Variants in KCNH1 observed in about 807,000 individuals in gnomAD.
KCNH1 encodes potassium voltage-gated channel subfamily H member 1.
A neutral mutation model predicts 69.2 loss-of-function variants in KCNH1; 27 were observed. The observed-to-expected ratio is 0.39, with a 90% CI of 0.29 to 0.54. The LOEUF is 0.54. Among genes scored for constraint, KCNH1 ranks in the 20% least tolerant of loss-of-function variants. The probability of loss-of-function intolerance (pLI) is 0.68; values close to 1 mark genes in which losing one functional copy is unlikely to be tolerated. For missense variants in KCNH1, 798 were observed against 1,261.6 expected, an observed-to-expected ratio of 0.63 and a Z score of 5.57; for synonymous variants, 456 against 487.7, an observed-to-expected ratio of 0.93 and a Z score of 0.86.
At chr1:211,066,534 T>C (rs769872458) in intron 5 of KCNH1, among the ~76,000 whole-genome samples, 6 of 152,174 alleles carry the variant, frequency 3.9e-5, no homozygotes, top group African/African-American at 7.2e-5. Context: ...AAAGCAAAAG[T>C]GTCACTAACT....
In KCNH1 at chr1:210,722,070, G is replaced by A. The variant is rs1682482042; in HGVS notation, c.2113-37932C>T. ...AGTGGGTTCCAGCCCCATACTGAAAGCAGGCCAACGACTAGAGCTGGATCC... is the reference window on the plus strand; with the variant it reads ...AGTGGGTTCCAGCCCCATACTGAAAACAGGCCAACGACTAGAGCTGGATCC... On this transcript the variant is annotated intron_variant, in intron 10 of 10. Coordinates refer to ENST00000271751, the MANE Select transcript of KCNH1 (RefSeq NM_172362.3). Among the ~76,000 whole-genome samples the A allele has an allele frequency of 2.0e-5, 3 of 152,170 alleles. No individual in the cohort carries two copies. In the South Asian group the frequency reaches 6.2e-4, roughly 32 times the overall value.
chr1:211,048,480 C>CATAT (rs777371856), intron 5 of KCNH1, among the ~76,000 whole-genome samples: 1 of 151,852 alleles, frequency 6.6e-6, no homozygotes, highest in Admixed American at 6.6e-5. Context: ...GGTGTATATA[C>CATAT]ATATATACAT....
Position 210,683,817 on chromosome 1 carries a change from C to A in KCNH1, c.2434G>T (p.Ala812Ser). 1 of 1,613,848 alleles carries A rather than the reference C, an allele frequency of 6.2e-7. No homozygotes were observed. Among genetic ancestry groups the A allele is most frequent in the Non-Finnish European group, 8.5e-7 (1 of 1,180,038 alleles). The change falls in exon 11 of 11, where the codon GCA becomes TCA. Residue 812 changes from alanine to serine, a missense_variant. Physicochemically the swap from Ala to Ser is moderately conservative, Grantham distance 99. This residue lies in a region of KCNH1 where 331 missense variants were observed against 363.2 expected (regional missense o/e 0.91). Coordinates refer to ENST00000271751, the MANE Select transcript of KCNH1 (RefSeq NM_172362.3). This position sits in a 1 kb window ranked among gnomAD's most constrained non-coding sequence, Gnocchi z 5.7. ...TCGGACCCTGGCGCCTGTAGCTTTG[C>A]GTGGTCTGGCACCCCGGAGGTGGAG... ...AASTSGVPDH[A>S]KLQAPGSECL... is the part of the protein sequence containing the mutation.
At position 211,133,820 on chromosome 1, in the gene KCNH1, G is replaced by C; in HGVS notation, c.79+47C>G. On this transcript the variant is annotated intron_variant, in intron 1 of 10. Coordinates refer to ENST00000271751, the MANE Select transcript of KCNH1 (RefSeq NM_172362.3). The surrounding 1 kb of genome is among the most constrained non-coding windows in gnomAD (Gnocchi z 5.4). Reference sequence around the variant, plus strand: ...AGCGGCGAGAGGTTCTGCAATAAAGGCACGGATAAAACGCCCGGGTAATCG... The same window carrying C: ...AGCGGCGAGAGGTTCTGCAATAAAGCCACGGATAAAACGCCCGGGTAATCG... The C allele has an allele frequency of 6.5e-7, 1 of 1,541,976 alleles. No individual in the cohort carries two copies. Among genetic ancestry groups the C allele is most frequent in the Non-Finnish European group, 8.9e-7 (1 of 1,119,494 alleles).
chr1:210,814,440 G>A (rs963684458), intron 7 of KCNH1, among the ~76,000 whole-genome samples: 1 of 152,064 alleles, frequency 6.6e-6, no homozygotes, highest in African/African-American at 2.4e-5. Flanking sequence ...TTATTTCCTG[G>A]AAATGTTACC....
At position 210,837,405 on chromosome 1, in the gene KCNH1, G is replaced by A. The variant is rs61851018; in HGVS notation, c.1463-33239C>T. On this transcript the variant is annotated intron_variant, in intron 7 of 10. Transcript: ENST00000271751. ...ATTGTGAATTCCTTAAGGGCAGAAC[G>A]TTCATTATCTTTGTTATCACCAACG... 4.3e-3 allele frequency among the ~76,000 whole-genome samples: 651 copies of A among 152,154 alleles called. 2 individuals carry two copies. Among genetic ancestry groups the A allele is most frequent in the Non-Finnish European group, 7.0e-3 (473 of 68,012 alleles).
chr1:210,904,801 A>G (rs1370819952), intron 7 of KCNH1, among the ~76,000 whole-genome samples: 4 of 152,250 alleles, frequency 2.6e-5, no homozygotes, highest in African/African-American at 9.6e-5. Flanking sequence ...CAGACATTAT[A>G]TCTAAGCCTG....
intron 6 of KCNH1, among the ~76,000 whole-genome samples, chr1:210,932,756 G>A (rs1330415916): frequency 6.6e-6 from 1 of 152,060 alleles, no homozygotes; most frequent in Non-Finnish European, 1.5e-5. Context: ...TGTAAAAAGA[G>A]ACCAAGAAGT....
At chr1:210,859,636 T>C (rs1428074033) in intron 7 of KCNH1, 6 of 1,348,884 alleles carry the variant, frequency 4.4e-6, no homozygotes, top group East Asian at 2.3e-5. Context: ...ATCACTGTCA[T>C]TCTTGTGTTC....
chr1:211,121,911 G>A (rs751666576), intron 1 of KCNH1, among the ~76,000 whole-genome samples: 5 of 152,134 alleles, frequency 3.3e-5, no homozygotes, highest in Admixed American at 6.5e-5. Flanking sequence ...CCAGGTGGGC[G>A]GATCACGAGG....
chr1:211,076,465 A>G (rs148096808), intron 5 of KCNH1, among the ~76,000 whole-genome samples: 140 of 152,360 alleles, frequency 9.2e-4, no homozygotes, highest in African/African-American at 3.2e-3. Context: ...CCAGGCAAAC[A>G]AGATCTGGAA....
chr1:211,085,759 A>G (rs927596208), intron 4 of KCNH1, among the ~76,000 whole-genome samples: 2 of 152,222 alleles, frequency 1.3e-5, no homozygotes, highest in South Asian at 2.1e-4. Flanking sequence ...GATAATATGT[A>G]CAATTTGGAC....
At chr1:210,963,149 T>C (rs1188834542) in intron 6 of KCNH1, among the ~76,000 whole-genome samples, 1 of 151,712 alleles carries the variant, frequency 6.6e-6, no homozygotes, top group Non-Finnish European at 1.5e-5. Flanking sequence ...CAAATTTACA[T>C]TAGCTTTTTT....
chr1:210,930,246 A>C (rs1574344767), intron 6 of KCNH1, among the ~76,000 whole-genome samples: 1 of 152,212 alleles, frequency 6.6e-6, no homozygotes, highest in Non-Finnish European at 1.5e-5. Flanking sequence ...CAAAAAGAAC[A>C]AATCTGGAGG....
At chr1:211,061,109 T>C (rs1162945888) in intron 5 of KCNH1, among the ~76,000 whole-genome samples, 1 of 152,120 alleles carries the variant, frequency 6.6e-6, no homozygotes, top group Non-Finnish European at 1.5e-5. Flanking sequence ...AGGTCATTCA[T>C]CATGACCAAG....
At chr1:210,869,556 TG>T (rs1188174239) in intron 7 of KCNH1, among the ~76,000 whole-genome samples, 1 of 150,468 alleles carries the variant, frequency 6.6e-6, no homozygotes, top group African/African-American at 2.4e-5. Flanking sequence ...AATTTTGGAT[TG>T]GATGCTGGAC....
intron 1 of KCNH1, among the ~76,000 whole-genome samples, chr1:211,113,983 C>A (rs981154893): frequency 2.0e-5 from 3 of 149,246 alleles, no homozygotes; most frequent in African/African-American, 7.3e-5. Context: ...CTCACACACA[C>A]ACACACACAC....
At chr1:211,115,090 G>C (rs1691545064) in intron 1 of KCNH1, among the ~76,000 whole-genome samples, 2 of 152,070 alleles carry the variant, frequency 1.3e-5, no homozygotes, top group South Asian at 4.1e-4. Flanking sequence ...CCGGATTCAA[G>C]CAATTCTCCT....
intron 10 of KCNH1, among the ~76,000 whole-genome samples, chr1:210,750,663 AG>A (rs1683262258): frequency 6.6e-6 from 1 of 152,078 alleles, no homozygotes; most frequent in Admixed American, 6.6e-5. Context: ...ATGGGATTAC[AG>A]GGGAATCAAA....
Sources: allele counts gnomAD v4.1 joint callset (sites outside exome capture counted in the v4.1 genomes callset), GRCh38; gene constraint gnomAD v4.1.1; regional missense constraint gnomAD v4.1.1; non-coding constraint Gnocchi (gnomAD v3.1); transcripts MANE v1.5; gene names NCBI Gene and HGNC (gene_info 2026-07-23, HGNC 2026-07-21).